The following AGTPBP1 variants were observed in gnomAD, a reference collection of about 807,000 sequenced individuals.
AGTPBP1 encodes the protein cytosolic carboxypeptidase 1.
Under a neutral mutation model 143.9 loss-of-function variants are expected in AGTPBP1, and 70 were observed. The observed-to-expected ratio is 0.49, with a 90% confidence interval of 0.40 to 0.59. AGTPBP1 has a LOEUF of 0.59. Among genes scored for constraint, AGTPBP1 ranks in the 20% least tolerant of loss-of-function variants. The pLI is 0.00. For synonymous variants in AGTPBP1, 463 were observed against 500.2 expected (o/e 0.93, Z 0.99); for missense variants, 1,229 against 1,464.5 (o/e 0.84, Z 2.62).
intron 13 of AGTPBP1, among the ~76,000 whole-genome samples, chr9:85,641,316 C>T (rs1212670985): frequency 1.3e-5 from 2 of 152,192 alleles, no homozygotes; most frequent in Non-Finnish European, 2.9e-5. Context: ...CTTGATTTAG[C>T]AGTATTTGTT....
intron 23 of AGTPBP1, among the ~76,000 whole-genome samples, chr9:85,584,658 T>C (rs1828490243): frequency 6.6e-6 from 1 of 152,076 alleles, no homozygotes; most frequent in South Asian, 2.1e-4. Flanking sequence ...ATCTGAAAAA[T>C]TTGTAGAAAT....
At chr9:85,574,888 T>C (rs567598899) in intron 25 of AGTPBP1, among the ~76,000 whole-genome samples, 1 of 152,158 alleles carries the variant, frequency 6.6e-6, no homozygotes, top group African/African-American at 2.4e-5. Context: ...CTTGCATTTT[T>C]AGGAGAGATG....
chr9:85,781,849 T>TGTA, the AGTPBP1 span, among the ~76,000 whole-genome samples: 1 of 152,190 alleles, frequency 6.6e-6, no homozygotes, highest in Non-Finnish European at 1.5e-5. Context: ...TATGTAGATA[T>TGTA]GTAGATTTAG....
intron 1 of AGTPBP1, among the ~76,000 whole-genome samples, chr9:85,731,030 T>A (rs1329239127): frequency 6.6e-6 from 1 of 152,222 alleles, no homozygotes; most frequent in Non-Finnish European, 1.5e-5. Context: ...CTGTTTTATT[T>A]TTAAATGAAG....
chr9:85,759,585 C>T, the AGTPBP1 span, among the ~76,000 whole-genome samples: 2 of 151,924 alleles, frequency 1.3e-5, no homozygotes, highest in Non-Finnish European at 2.9e-5. Context: ...AGAACAAAGA[C>T]ACAACATACC....
chr9:85,742,250 C>T (rs1395853730), upstream of AGTPBP1, among the ~76,000 whole-genome samples: 1 of 152,128 alleles, frequency 6.6e-6, no homozygotes, highest in African/African-American at 2.4e-5. Flanking sequence ...CCCCGGCCAC[C>T]GCCCCTCCGT....
the AGTPBP1 span, chr9:85,781,116 T>G: frequency 7.0e-7 from 1 of 1,434,632 alleles, no homozygotes; most frequent in African/African-American, 1.5e-5. Flanking sequence ...CAAGACTCCG[T>G]TTCAAAAAGA....
At chr9:85,605,960 G>C (rs1178116805) in intron 17 of AGTPBP1, among the ~76,000 whole-genome samples, 2 of 151,686 alleles carry the variant, frequency 1.3e-5, no homozygotes, top group African/African-American at 4.8e-5. Flanking sequence ...TTCACAAAAG[G>C]GAAGATAGGA....
the AGTPBP1 span, among the ~76,000 whole-genome samples, chr9:85,798,718 A>G: frequency 5.9e-5 from 9 of 151,668 alleles, no homozygotes; most frequent in African/African-American, 2.2e-4. Context: ...TCATGTAAGG[A>G]GGTTTCTTCA....
At chr9:85,715,229 G>A (rs1249008510) in intron 1 of AGTPBP1, among the ~76,000 whole-genome samples, 1 of 150,940 alleles carries the variant, frequency 6.6e-6, no homozygotes, top group Admixed American at 6.6e-5. Context: ...CCGGGTGACA[G>A]AGCGAGACTC....
chr9:85,701,796 A>C (rs1017996194), intron 2 of AGTPBP1, among the ~76,000 whole-genome samples: 1 of 152,210 alleles, frequency 6.6e-6, no homozygotes, highest in African/African-American at 2.4e-5. Context: ...CCAATAGGTC[A>C]ATTAGGAAAG....
upstream of AGTPBP1, among the ~76,000 whole-genome samples, chr9:85,742,331 T>C (rs1824409728): frequency 6.6e-6 from 1 of 152,004 alleles, no homozygotes; most frequent in Admixed American, 6.6e-5. Context: ...GGCCCCAGCC[T>C]TTTCCCGGAA....
intron 25 of AGTPBP1, among the ~76,000 whole-genome samples, chr9:85,556,408 C>T (rs1315786551): frequency 1.3e-5 from 2 of 151,842 alleles, no homozygotes; most frequent in African/African-American, 2.4e-5. Flanking sequence ...TTGAATTAAT[C>T]TCAAAGAAGG....
the AGTPBP1 span, among the ~76,000 whole-genome samples, chr9:85,801,157 C>T: frequency 4.0e-5 from 6 of 151,866 alleles, no homozygotes; most frequent in Non-Finnish European, 8.8e-5. Context: ...ACTAAAAATA[C>T]AAAAAATAGT....
intron 1 of AGTPBP1, among the ~76,000 whole-genome samples, chr9:85,732,079 C>T (rs1178328250): frequency 6.6e-6 from 1 of 152,122 alleles, no homozygotes; most frequent in Non-Finnish European, 1.5e-5. Context: ...ACTCTTCCTC[C>T]AACTCAGATT....
the AGTPBP1 span, chr9:85,753,503 T>C: frequency 1.3e-6 from 2 of 1,547,102 alleles, no homozygotes; most frequent in Non-Finnish European, 1.8e-6. Context: ...CCTGTAATCC[T>C]AGCACTTTGG....
upstream of AGTPBP1, chr9:85,742,100 C>T: frequency 1.9e-6 from 2 of 1,044,690 alleles, no homozygotes. Context: ...CCGCCGCGTC[C>T]CTTGTTACCT....
chr9:85,753,401 A>G, the AGTPBP1 span: 12 of 1,613,838 alleles, frequency 7.4e-6, no homozygotes, highest in Middle Eastern at 3.3e-4. Context: ...GTTCGTTTGG[A>G]AGTATAGACC....
chr9:85,652,006 G>C (rs1447216122), intron 11 of AGTPBP1, among the ~76,000 whole-genome samples: 1 of 152,130 alleles, frequency 6.6e-6, no homozygotes, highest in East Asian at 1.9e-4. Flanking sequence ...TTCTAATGAT[G>C]TGACTCTTTG....
Sources: allele counts gnomAD v4.1 joint callset (sites outside exome capture counted in the v4.1 genomes callset), GRCh38; gene constraint gnomAD v4.1.1; transcripts MANE v1.5; gene names NCBI Gene and HGNC (gene_info 2026-07-23, HGNC 2026-07-21).